CECR2: variants seen among roughly 807,000 people sequenced by gnomAD.
CECR2 encodes chromatin remodeling regulator CECR2.
Under a neutral mutation model 154.5 loss-of-function variants are expected in CECR2, and 30 were observed. That is an observed-to-expected ratio of 0.19 (90% CI 0.15 to 0.26). CECR2 has a LOEUF of 0.26. Among genes scored for constraint, CECR2 ranks in the 10% least tolerant of loss-of-function variants. CECR2 has a pLI of 1.00. For synonymous variants in CECR2, 725 were observed against 683.7 expected (o/e 1.06, Z -0.94); for missense variants, 1,743 against 1,829.3 (o/e 0.95, Z 0.86).
At chr22:17,430,547 G>A (rs2054405699) in intron 1 of CECR2, among the ~76,000 whole-genome samples, 1 of 152,182 alleles carries the variant, frequency 6.6e-6, no homozygotes, top group Non-Finnish European at 1.5e-5. Flanking sequence ...CTCAGGATGT[G>A]ATTGATTTTC....
In CECR2 at chr22:17,543,306, TG is replaced by T. The variant is rs574846160; in HGVS notation, c.2860+305del. 1.9e-3 allele frequency among the ~76,000 whole-genome samples: 290 copies of T among 151,738 alleles called. 3 individuals are homozygous for T. Among genetic ancestry groups the T allele is most frequent in the African/African-American group, 6.6e-3 (274 of 41,364 alleles). On this transcript the variant is annotated intron_variant, in intron 16 of 18. Coordinates refer to ENST00000262608, the MANE Select transcript of CECR2 (RefSeq NM_001290047.2). Reference sequence around the variant, plus strand: ...CGCCACCACGCCCGGCTAATTTTTTTGGTATTTTTAGTAGCAACGGGGTTTC... The same window carrying T: ...CGCCACCACGCCCGGCTAATTTTTTTGTATTTTTAGTAGCAACGGGGTTTC...
chr22:17,549,783 G>GTTTTTTTTTTTT lies in CECR2; in HGVS notation c.4277+219_4277+220insTTTTTTTTTTTT, dbSNP rs1491166897. 1.2e-4 allele frequency among the ~76,000 whole-genome samples: 11 copies of GTTTTTTTTTTTT among 88,856 alleles called. 5 individuals are homozygous for GTTTTTTTTTTTT. Among genetic ancestry groups the GTTTTTTTTTTTT allele is most frequent in the Admixed American group, 2.8e-4 (2 of 7,076 alleles). The allele number at this position is 88,856 out of a possible 152,430, so 58.3% of individuals were successfully genotyped here. Reference sequence around the variant, plus strand: ...TGCCACCACACCCAGCTAACTTTTTGGTTTTTTTTTTTTTTTTTTTTTGGT... The same window carrying GTTTTTTTTTTTT: ...TGCCACCACACCCAGCTAACTTTTTGTTTTTTTTTTTTGTTTTTTTTTTTTTTTTTTTTTGGT... On this transcript the variant is annotated intron_variant, in intron 17 of 18. Coordinates refer to ENST00000262608, the MANE Select transcript of CECR2 (RefSeq NM_001290047.2).
intron 1 of CECR2, among the ~76,000 whole-genome samples, chr22:17,391,863 G>C (rs1045610348): frequency 6.6e-6 from 1 of 152,128 alleles, no homozygotes; most frequent in African/African-American, 2.4e-5. Context: ...GTACAGTGGC[G>C]CAATCTCCGC....
At position 17,490,147 on chromosome 22, in the gene CECR2, T is replaced by TGTGTGTGTG. The variant is rs1555917191; in HGVS notation, c.222-7256_222-7255insGTGTGTGTG. ...AGATCTGTTCCTTACTGTTTTTTTTTTGTGTGTGTGTGTGTGTGTGTTTGG... is the reference window on the plus strand; with the variant it reads ...AGATCTGTTCCTTACTGTTTTTTTTTGTGTGTGTGTGTGTGTGTGTGTGTGTGTGTTTGG... On this transcript the variant is annotated intron_variant, in intron 2 of 18. Transcript: ENST00000262608. Among the ~76,000 whole-genome samples, 1,018 of 149,758 alleles carry TGTGTGTGTG rather than the reference T, an allele frequency of 6.8e-3. 8 individuals carry two copies. The highest frequency in any genetic ancestry group is 0.018 in the African/African-American group (722 of 40,722).
intron 13 of CECR2, among the ~76,000 whole-genome samples, chr22:17,540,104 A>G (rs1173371753): frequency 6.6e-6 from 1 of 152,146 alleles, no homozygotes; most frequent in Non-Finnish European, 1.5e-5. Flanking sequence ...AAGTGCTGGG[A>G]TCACAGGCAT....
intron 9 of CECR2, among the ~76,000 whole-genome samples, chr22:17,534,383 C>T (rs967958650): frequency 4.6e-5 from 7 of 152,196 alleles, no homozygotes; most frequent in African/African-American, 1.7e-4. Context: ...ATATAAGTTC[C>T]AGATACACTA....
At chr22:17,423,460 T>G (rs112450393) in intron 1 of CECR2, among the ~76,000 whole-genome samples, 4,659 of 151,204 alleles carry the variant, frequency 0.031, 233 homozygotes, top group African/African-American at 0.11. Flanking sequence ...TGAGCCAAGA[T>G]CGCGCCACTG....
At chr22:17,403,109 G>T (rs994369021) in intron 1 of CECR2, among the ~76,000 whole-genome samples, 19 of 152,280 alleles carry the variant, frequency 1.2e-4, no homozygotes, top group Non-Finnish European at 2.6e-4. Context: ...GACATCGCAT[G>T]TCTCCTTAAG....
chr22:17,396,198 T>TA (rs201271622), intron 1 of CECR2, among the ~76,000 whole-genome samples: 3,685 of 143,698 alleles, frequency 0.026, 41 homozygotes, highest in Middle Eastern at 0.059. Flanking sequence ...GCCATGATCA[T>TA]ACCACTGCAC....
At chr22:17,525,285 C>CAAAAAA (rs1569142080) in intron 9 of CECR2, among the ~76,000 whole-genome samples, 461 of 32,306 alleles carry the variant, frequency 0.014, 127 homozygotes, top group East Asian at 0.023. Context: ...AACTCCATCT[C>CAAAAAA]CAAAAAAAAA....
chr22:17,463,885 T>C lies in CECR2; in HGVS notation c.127-13703T>C, dbSNP rs538338319. Among the ~76,000 whole-genome samples the C allele has an allele frequency of 2.0e-5, 3 of 152,228 alleles. No individual in the cohort carries two copies. The East Asian group carries it at 5.8e-4, about 29-fold the overall frequency. ...AAAGAAGAGGTCCAAGGGGTGGTTC[T>C]CCAGCAGTAGAGTTGGAGGGCTAGG... On this transcript the variant is annotated intron_variant, in intron 1 of 18. Coordinates refer to ENST00000262608, the MANE Select transcript of CECR2 (RefSeq NM_001290047.2).
chr22:17,465,243 G>A (rs1396794098), intron 1 of CECR2, among the ~76,000 whole-genome samples: 3 of 152,058 alleles, frequency 2.0e-5, no homozygotes, highest in Admixed American at 6.5e-5. Flanking sequence ...TGATCCGCCC[G>A]CCTCGGCCTC....
At chr22:17,537,312 C>A in intron 10 of CECR2, 80 bp downstream of exon 10, 1 of 1,521,506 alleles carries the variant, frequency 6.6e-7, no homozygotes. Context: ...CCCATGTCAT[C>A]CTTAGAACAG....
intron 1 of CECR2, among the ~76,000 whole-genome samples, chr22:17,456,552 T>C (rs1000368358): frequency 2.6e-5 from 4 of 152,204 alleles, no homozygotes; most frequent in Non-Finnish European, 5.9e-5. Flanking sequence ...CAATTAAAAC[T>C]GTAATTTTTT....
chr22:17,404,374 T>C (rs1244157439), intron 1 of CECR2, among the ~76,000 whole-genome samples: 2 of 56,180 alleles, frequency 3.6e-5, no homozygotes, highest in East Asian at 7.1e-4. Context: ...CTTTCTTTTT[T>C]TTTTTTTTTT....
In CECR2 at chr22:17,477,770, C is replaced by A; in HGVS notation, c.221+88C>A. ...ATGTTTCCTGTCTCCTGTGACAAACCAGAACCGATCATTAGGCATCACGGG... is the reference window on the plus strand; with the variant it reads ...ATGTTTCCTGTCTCCTGTGACAAACAAGAACCGATCATTAGGCATCACGGG... On this transcript the variant is annotated intron_variant, in intron 2 of 18. Transcript: ENST00000262608. The A allele has an allele frequency of 3.3e-6, 3 of 915,858 alleles. No individual in the cohort carries two copies. In the East Asian group the frequency reaches 7.3e-5, roughly 22 times the overall value. 56.7% of individuals were successfully genotyped at this position (915,858 alleles called of 1,614,324 possible).
chr22:17,401,724 T>G (rs755242293), intron 1 of CECR2, among the ~76,000 whole-genome samples: 1 of 152,142 alleles, frequency 6.6e-6, no homozygotes, highest in African/African-American at 2.4e-5. Context: ...AGTGCACCTA[T>G]TGGCAAAAAT....
chr22:17,487,170 C>G (rs2055436556), intron 2 of CECR2, among the ~76,000 whole-genome samples: 1 of 152,090 alleles, frequency 6.6e-6, no homozygotes. Context: ...ACTTTTTCTT[C>G]TATATTCTCC....
In CECR2 at chr22:17,548,954, A is replaced by G; in HGVS notation, c.3667A>G (p.Ser1223Gly). The G allele has an allele frequency of 6.2e-7, 1 of 1,613,924 alleles. No homozygotes were observed. The highest frequency in any genetic ancestry group is 8.5e-7 in the Non-Finnish European group (1 of 1,179,862). The change falls in exon 17 of 19, where the codon AGC (serine) becomes GGC (glycine). Residue 1223 changes from serine to glycine, a missense_variant. Coordinates refer to ENST00000262608, the MANE Select transcript of CECR2 (RefSeq NM_001290047.2). ...ACCTCTCCATCCCCAGGGAAGCCCA[A>G]GCGGACCCCCAGCCAGTCAGCCTCC... Reference protein sequence around the residue: ...QRPLHPQGSPSGPPASQPPPP... With the variant: ...QRPLHPQGSPGGPPASQPPPP...
Sources: gnomAD v4.1 joint callset for allele counts (sites outside exome capture counted in the v4.1 genomes callset) on GRCh38, gnomAD v4.1.1 for gene constraint, MANE v1.5 for transcripts, NCBI Gene and HGNC (gene_info 2026-07-23, HGNC 2026-07-21) for gene names.